PDE4D: variants seen among roughly 807,000 people sequenced by gnomAD.
PDE4D encodes the protein 3',5'-cyclic-AMP phosphodiesterase 4D.
Under a neutral mutation model 87.4 loss-of-function variants are expected in PDE4D, and 24 were observed. That is an observed-to-expected ratio of 0.27 (90% CI 0.20 to 0.39). The LOEUF (loss-of-function observed/expected upper bound fraction) is 0.39. Among genes scored for constraint, PDE4D ranks in the 10% least tolerant of loss-of-function variants. PDE4D has a pLI of 1.00. For missense variants in PDE4D, 714 were observed against 1,041.0 expected, an observed-to-expected ratio of 0.69 and a Z score of 4.32; for synonymous variants, 384 against 383.2, an observed-to-expected ratio of 1.00 and a Z score of -0.02.
intron 1 of PDE4D, among the ~76,000 whole-genome samples, chr5:60,279,580 T>C (rs758724942): frequency 6.6e-5 from 10 of 152,174 alleles, no homozygotes; most frequent in Non-Finnish European, 1.5e-4. Flanking sequence ...AGTTTTGTCT[T>C]GTTAGGTTGA....
At chr5:60,428,180 A>G (rs999290372) in intron 1 of PDE4D, among the ~76,000 whole-genome samples, 5 of 152,228 alleles carry the variant, frequency 3.3e-5, no homozygotes, top group African/African-American at 1.2e-4. Context: ...GAGAGGTACA[A>G]TACTGAGTAT....
intron 5 of PDE4D, among the ~76,000 whole-genome samples, chr5:59,046,517 A>G (rs1285447201): frequency 7.0e-6 from 1 of 142,602 alleles, no homozygotes; most frequent in Admixed American, 7.1e-5. Flanking sequence ...CTTTCTCCCA[A>G]TCATCAATAA....
At chr5:60,378,109 G>A (rs1187764509) in intron 1 of PDE4D, among the ~76,000 whole-genome samples, 1 of 152,096 alleles carries the variant, frequency 6.6e-6, no homozygotes, top group African/African-American at 2.4e-5. Context: ...ATCTTGGAGC[G>A]CATAAATATG....
At chr5:60,044,308 T>G (rs2152871243) in intron 2 of PDE4D, among the ~76,000 whole-genome samples, 1 of 152,208 alleles carries the variant, frequency 6.6e-6, no homozygotes, top group Non-Finnish European at 1.5e-5. Context: ...TAAAAACAAT[T>G]TTTTAAAAGA....
intron 1 of PDE4D, chr5:59,217,349 C>A: frequency 2.2e-6 from 1 of 448,302 alleles, no homozygotes; most frequent in Non-Finnish European, 4.5e-6. Flanking sequence ...TATTAACTAG[C>A]TCATTTTAAA....
chr5:59,039,566 C>CG, intron 5 of PDE4D: 1 of 968,014 alleles, frequency 1.0e-6, no homozygotes, highest in Non-Finnish European at 1.2e-6. Context: ...GCGGCTCCAA[C>CG]GCCGCAGCTT....
At chr5:59,767,301 AATGTAG>A (rs1762922955) in intron 1 of PDE4D, among the ~76,000 whole-genome samples, 1 of 152,072 alleles carries the variant, frequency 6.6e-6, no homozygotes, top group Non-Finnish European at 1.5e-5. Flanking sequence ...ATCTTATCAA[AATGTAG>A]ATGTAATGTA....
intron 1 of PDE4D, among the ~76,000 whole-genome samples, chr5:60,391,296 T>C (rs112864635): frequency 6.6e-6 from 1 of 152,236 alleles, no homozygotes; most frequent in Non-Finnish European, 1.5e-5. Context: ...TGAAGGTAGA[T>C]AGCTATAAAT....
At chr5:59,070,376 C>A (rs1764584509) in intron 5 of PDE4D, among the ~76,000 whole-genome samples, 1 of 152,252 alleles carries the variant, frequency 6.6e-6, no homozygotes, top group East Asian at 1.9e-4. Flanking sequence ...ATCTTCCACT[C>A]CCCAGAGGGT....
intron 1 of PDE4D, among the ~76,000 whole-genome samples, chr5:59,655,529 C>T (rs943870237): frequency 5.3e-5 from 8 of 152,114 alleles, no homozygotes; most frequent in African/African-American, 1.9e-4. Flanking sequence ...ATCAGTAACT[C>T]CAACCTGAAC....
At chr5:59,764,651 CTTT>C (rs1177876033) in intron 1 of PDE4D, among the ~76,000 whole-genome samples, 2 of 123,344 alleles carry the variant, frequency 1.6e-5, no homozygotes, top group East Asian at 2.2e-4. Context: ...AGAGAAGTCC[CTTT>C]TTTTTTTTTT....
intron 1 of PDE4D, among the ~76,000 whole-genome samples, chr5:59,622,157 A>C (rs1188502095): frequency 1.3e-5 from 2 of 152,146 alleles, no homozygotes; most frequent in African/African-American, 4.8e-5. Context: ...TCTTTCCGCT[A>C]CACTATTTTC....
At chr5:59,482,486 A>T (rs997218466) in intron 1 of PDE4D, among the ~76,000 whole-genome samples, 79 of 152,174 alleles carry the variant, frequency 5.2e-4, no homozygotes, top group African/African-American at 1.8e-3. Flanking sequence ...ATTCAGGCAA[A>T]ATCATCCCTG....
At position 59,708,573 on chromosome 5, in the gene PDE4D, A is replaced by G. The variant is rs181648055; in HGVS notation, c.455+184595T>C. 3.9e-5 allele frequency among the ~76,000 whole-genome samples: 6 copies of G among 152,278 alleles called. No homozygotes were observed. The East Asian group carries it at 1.2e-3, about 29-fold the overall frequency. ...ATGATAGTTGTGGCTCCTTGGTAAC[A>G]AAAGCTTGCCAGTCAACAAAATTCA... On this transcript the variant is annotated intron_variant, in intron 1 of 14. Coordinates refer to ENST00000340635, the MANE Select transcript of PDE4D (RefSeq NM_001104631.2).
At chr5:59,408,712 C>T (rs1011382946) in intron 1 of PDE4D, among the ~76,000 whole-genome samples, 1 of 152,196 alleles carries the variant, frequency 6.6e-6, no homozygotes, top group African/African-American at 2.4e-5. Context: ...GGAGTCTACC[C>T]TTACATCAGT....
At chr5:60,447,947 A>G (rs748882719) in intron 1 of PDE4D, among the ~76,000 whole-genome samples, 60 of 152,246 alleles carry the variant, frequency 3.9e-4, no homozygotes, top group Non-Finnish European at 6.6e-4. Flanking sequence ...TACTTTGTTT[A>G]TAGTATAGTC....
intron 1 of PDE4D, among the ~76,000 whole-genome samples, chr5:60,251,119 T>C (rs2149682970): frequency 6.6e-6 from 1 of 152,114 alleles, no homozygotes; most frequent in African/African-American, 2.4e-5. Flanking sequence ...TTTGTACAGC[T>C]ATATGGTGCT....
chr5:59,335,035 T>C (rs896178988), intron 1 of PDE4D, among the ~76,000 whole-genome samples: 1 of 152,196 alleles, frequency 6.6e-6, no homozygotes, highest in Admixed American at 6.5e-5. Flanking sequence ...CCATCCATCA[T>C]ATTAATTGGT....
At chr5:59,934,252 A>G (rs981725789) in intron 3 of PDE4D, among the ~76,000 whole-genome samples, 6 of 152,170 alleles carry the variant, frequency 3.9e-5, no homozygotes, top group Admixed American at 3.3e-4. Flanking sequence ...TTAAACAGTA[A>G]CAAAAGAGGG....
Sources: allele counts gnomAD v4.1 joint callset (sites outside exome capture counted in the v4.1 genomes callset), GRCh38; gene constraint gnomAD v4.1.1; transcripts MANE v1.5; gene names NCBI Gene and HGNC (gene_info 2026-07-23, HGNC 2026-07-21).